The following FHIT variants were observed in gnomAD, a reference collection of about 807,000 sequenced individuals.
FHIT encodes fragile histidine triad diadenosine triphosphatase, also known as bis(5'-adenosyl)-triphosphatase.
Under a neutral mutation model 17.9 loss-of-function variants are expected in FHIT, and 19 were observed. The ratio of observed to expected loss-of-function variants is 1.06; its 90% CI spans 0.74 to 1.56. The LOEUF is 1.56. Ranked by LOEUF, FHIT falls within the 40% of genes most tolerant of loss-of-function variation. The pLI is 0.00. For missense variants in FHIT, 248 were observed against 189.2 expected (o/e 1.31, Z -1.82); for synonymous variants, 81 against 69.7 (o/e 1.16, Z -0.81).
At chr3:60,908,566 T>A (rs1488169740) in intron 3 of FHIT, among the ~76,000 whole-genome samples, 1 of 150,464 alleles carries the variant, frequency 6.6e-6, no homozygotes, top group African/African-American at 2.5e-5. Context: ...AATGGAAAAA[T>A]AGACACAAAA....
intron 5 of FHIT, among the ~76,000 whole-genome samples, chr3:60,239,938 G>C (rs930863203): frequency 2.0e-5 from 3 of 152,028 alleles, no homozygotes; most frequent in Non-Finnish European, 1.5e-5. Flanking sequence ...TGGTCAGTTC[G>C]CCTCCCTAAG....
intron 5 of FHIT, among the ~76,000 whole-genome samples, chr3:60,391,106 T>G (rs1294282416): frequency 6.6e-6 from 1 of 152,066 alleles, no homozygotes; most frequent in Non-Finnish European, 1.5e-5. Context: ...GAGAATTGCT[T>G]GAACCCAGGA....
intron 5 of FHIT, among the ~76,000 whole-genome samples, chr3:60,405,785 T>C (rs1461589399): frequency 2.0e-5 from 3 of 152,236 alleles, no homozygotes; most frequent in Non-Finnish European, 4.4e-5. Flanking sequence ...GGGATTGTGC[T>C]AAGCATTCTG....
chr3:60,852,266 C>A (rs1703184921), intron 3 of FHIT, among the ~76,000 whole-genome samples: 1 of 152,086 alleles, frequency 6.6e-6, no homozygotes, highest in South Asian at 2.1e-4. Context: ...GCCTGTTGAT[C>A]ATTGGACAGA....
intron 4 of FHIT, among the ~76,000 whole-genome samples, chr3:60,559,879 G>C (rs1400984654): frequency 3.3e-5 from 5 of 152,182 alleles, no homozygotes; most frequent in Admixed American, 6.5e-5. Context: ...GAGTCTTCCT[G>C]TGTTGGTGGC....
At chr3:60,880,134 T>C (rs184911180) in intron 3 of FHIT, among the ~76,000 whole-genome samples, 1 of 152,140 alleles carries the variant, frequency 6.6e-6, no homozygotes, top group East Asian at 1.9e-4. Flanking sequence ...ACAAGAGAAA[T>C]GTGTCACAGT....
At chr3:60,321,521 C>T (rs1452639348) in intron 5 of FHIT, among the ~76,000 whole-genome samples, 2 of 152,118 alleles carry the variant, frequency 1.3e-5, no homozygotes, top group African/African-American at 2.4e-5. Context: ...GTTATCTTCA[C>T]TTAAGAGATG....
At chr3:60,913,972 T>C (rs1553766525) in intron 3 of FHIT, among the ~76,000 whole-genome samples, 1 of 152,240 alleles carries the variant, frequency 6.6e-6, no homozygotes, top group Non-Finnish European at 1.5e-5. Flanking sequence ...CCATTTTCTG[T>C]TGATCGAATT....
rs1004940003 is a variant in FHIT at position 61,093,239 on chromosome 3, T to C, written c.-163-51140A>G. 7.9e-5 allele frequency among the ~76,000 whole-genome samples: 12 copies of C among 152,164 alleles called. 1 individual carries two copies. Among genetic ancestry groups the C allele is most frequent in the Non-Finnish European group, 4.4e-5 (3 of 68,040 alleles). On this transcript the variant is annotated intron_variant, in intron 2 of 9. Coordinates refer to ENST00000492590, the MANE Select transcript of FHIT (RefSeq NM_002012.4). The stretch of plus-strand genomic sequence containing the variant: ...ACAACGATAAACGTTTATAATTCTA[T>C]GTATGGAGAGAGAGAGAGAGAGACT...
chr3:61,089,782 G>A (rs1266390295), intron 2 of FHIT, among the ~76,000 whole-genome samples: 1 of 152,106 alleles, frequency 6.6e-6, no homozygotes, highest in Non-Finnish European at 1.5e-5. Flanking sequence ...CCAAAGAGTA[G>A]AAACTATAAG....
At chr3:60,807,833 T>C (rs1701449131) in intron 4 of FHIT, among the ~76,000 whole-genome samples, 1 of 140,480 alleles carries the variant, frequency 7.1e-6, no homozygotes, top group African/African-American at 2.5e-5. Flanking sequence ...CTACAGCAAA[T>C]TTTACTAAAA....
At chr3:60,327,323 G>A (rs1317911019) in intron 5 of FHIT, among the ~76,000 whole-genome samples, 2 of 152,142 alleles carry the variant, frequency 1.3e-5, no homozygotes, top group African/African-American at 4.8e-5. Context: ...TCTAGTCCAA[G>A]GGTCTGTCAC....
At chr3:60,903,215 G>C (rs2107232431) in intron 3 of FHIT, among the ~76,000 whole-genome samples, 1 of 152,234 alleles carries the variant, frequency 6.6e-6, no homozygotes, top group African/African-American at 2.4e-5. Context: ...GAATCAAGAG[G>C]CATTATAAGG....
intron 4 of FHIT, among the ~76,000 whole-genome samples, chr3:60,675,298 C>G (rs79163424): frequency 6.6e-6 from 1 of 152,132 alleles, no homozygotes; most frequent in Admixed American, 6.5e-5. Context: ...TACAAATGAT[C>G]CTATTTATTC....
chr3:60,715,092 G>C (rs1475219361), intron 4 of FHIT, among the ~76,000 whole-genome samples: 2 of 152,026 alleles, frequency 1.3e-5, no homozygotes, highest in Admixed American at 6.6e-5. Context: ...CAGAGATATA[G>C]ATCAATGGAA....
chr3:60,434,158 G>C (rs944440182), intron 5 of FHIT, among the ~76,000 whole-genome samples: 21 of 151,982 alleles, frequency 1.4e-4, no homozygotes, highest in African/African-American at 4.8e-4. Context: ...ACAGTGGGTG[G>C]TTACTGTATA....
At chr3:61,134,160 A>T (rs1339961009) in intron 2 of FHIT, among the ~76,000 whole-genome samples, 1 of 137,988 alleles carries the variant, frequency 7.2e-6, no homozygotes, top group African/African-American at 2.7e-5. Flanking sequence ...GAGCTCAAGA[A>T]AGAGAAAGTG....
intron 5 of FHIT, among the ~76,000 whole-genome samples, chr3:60,507,913 C>A (rs2034799517): frequency 6.6e-6 from 1 of 152,136 alleles, no homozygotes; most frequent in African/African-American, 2.4e-5. Flanking sequence ...TTTCTTTATC[C>A]AGTCTACCAC....
At chr3:60,571,806 G>C (rs1422816014) in intron 4 of FHIT, among the ~76,000 whole-genome samples, 3 of 151,976 alleles carry the variant, frequency 2.0e-5, no homozygotes, top group Non-Finnish European at 4.4e-5. Context: ...CCAAAAGCAA[G>C]GTAACAAAAG....
Sources: allele counts gnomAD v4.1 joint callset (sites outside exome capture counted in the v4.1 genomes callset), GRCh38; gene constraint gnomAD v4.1.1; transcripts MANE v1.5; gene names NCBI Gene and HGNC (gene_info 2026-07-23, HGNC 2026-07-21).